SEC14L5: variants seen among roughly 807,000 people sequenced by gnomAD.
SEC14L5 encodes SEC14 like lipid binding 5, also known as SEC14-like protein 5.
A neutral mutation model predicts 84.6 loss-of-function variants in SEC14L5; 96 were observed. That is an observed-to-expected ratio of 1.13 (90% CI 0.96 to 1.34). The LOEUF is 1.34. Ranked by LOEUF, SEC14L5 falls within the 40% of genes most tolerant of loss-of-function variation. SEC14L5 has a pLI of 0.00. For missense variants in SEC14L5, 1,224 were observed against 942.5 expected, an observed-to-expected ratio of 1.30 and a Z score of -3.91; for synonymous variants, 546 against 383.4, an observed-to-expected ratio of 1.42 and a Z score of -4.95.
intron 4 of SEC14L5, among the ~76,000 whole-genome samples, chr16:4,989,315 TTTG>T (rs1408295593): frequency 7.3e-5 from 9 of 122,494 alleles, no homozygotes; most frequent in Admixed American, 1.0e-4. Context: ...TTTTTGTTTG[TTTG>T]TTTGTTTTGT....
chr16:4,962,151 G>T (rs1455777587), intron 2 of SEC14L5, among the ~76,000 whole-genome samples: 1 of 137,984 alleles, frequency 7.2e-6, no homozygotes, highest in Non-Finnish European at 1.5e-5. Context: ...GGGCAACAGA[G>T]CGAGACTCTG....
intron 12 of SEC14L5, among the ~76,000 whole-genome samples, chr16:5,006,413 A>C (rs976033969): frequency 6.6e-6 from 1 of 152,130 alleles, no homozygotes; most frequent in Non-Finnish European, 1.5e-5. Flanking sequence ...AGGGGAGGTG[A>C]CTCGAATGTA....
At chr16:4,981,640 T>G (rs1343852465) in intron 2 of SEC14L5, among the ~76,000 whole-genome samples, 3 of 152,132 alleles carry the variant, frequency 2.0e-5, no homozygotes, top group Non-Finnish European at 4.4e-5. Context: ...CAAGCCCAGC[T>G]GCTGAGCAAA....
intron 8 of SEC14L5, among the ~76,000 whole-genome samples, chr16:4,999,799 C>T (rs1177700192): frequency 6.6e-6 from 1 of 151,858 alleles, no homozygotes; most frequent in African/African-American, 2.4e-5. Flanking sequence ...CCGGTAGTCC[C>T]AGCTACCTGG....
chr16:4,999,143 G>A (rs1955648049), intron 8 of SEC14L5, among the ~76,000 whole-genome samples: 1 of 152,076 alleles, frequency 6.6e-6, no homozygotes, highest in South Asian at 2.1e-4. Context: ...ATGCCTCTTC[G>A]TGTAGTGCAG....
At position 5,000,905 on chromosome 16, in the gene SEC14L5, G is replaced by T. The variant is rs753361990; in HGVS notation, c.1110G>T (p.Arg370Ser). ...AGAAGCGGTGTGAGGGGAGCACAAGGCAGCTGGGCCGTCCCATCAGGCAAA... is the reference window on the plus strand; with the variant it reads ...AGAAGCGGTGTGAGGGGAGCACAAGTCAGCTGGGCCGTCCCATCAGGCAAA... ...EGQKRCEGST[R>S]QLGRPISSWT... Residue 370 changes from arginine (R) to serine (S), a missense_variant, in exon 10 of 16, where the codon AGG becomes AGT. Coordinates refer to ENST00000251170, the MANE Select transcript of SEC14L5 (RefSeq NM_014692.2). 27 of 1,608,008 alleles carry T rather than the reference G, an allele frequency of 1.7e-5. No individual in the cohort carries two copies. In the Admixed American group the frequency reaches 3.2e-4, roughly 19 times the overall value.
intron 4 of SEC14L5, 27 bp downstream of exon 4, chr16:4,988,307 A>ACTTG: frequency 6.2e-7 from 1 of 1,610,340 alleles, no homozygotes; most frequent in Non-Finnish European, 8.5e-7. Context: ...CTCAGCGCCC[A>ACTTG]CGCCCGGCAC....
intron 2 of SEC14L5, among the ~76,000 whole-genome samples, chr16:4,972,606 C>A (rs1260308190): frequency 6.6e-6 from 1 of 152,230 alleles, no homozygotes; most frequent in Admixed American, 6.5e-5. Context: ...TTGTCTCTGG[C>A]TCGTTTCACT....
chr16:4,996,293 G>A (rs1955607392), intron 6 of SEC14L5, 55 bp from the exon 7 acceptor site: 3 of 1,073,418 alleles, frequency 2.8e-6, no homozygotes, highest in South Asian at 2.8e-5. Flanking sequence ...CAGACCACAT[G>A]GTAAAGAGAC....
chr16:5,003,066 C>G (rs528754873), intron 10 of SEC14L5, among the ~76,000 whole-genome samples: 2 of 152,212 alleles, frequency 1.3e-5, no homozygotes, highest in African/African-American at 4.8e-5. Context: ...GTGTGCCCGT[C>G]CTTGCAGAGA....
chr16:4,968,775 G>T (rs1955236818), intron 2 of SEC14L5, among the ~76,000 whole-genome samples: 1 of 152,254 alleles, frequency 6.6e-6, no homozygotes. Flanking sequence ...CCTAAATAAG[G>T]AAGATGGCTT....
intron 5 of SEC14L5, 62 bp downstream of exon 5, chr16:4,990,957 G>T (rs1375325545): frequency 7.1e-7 from 1 of 1,403,750 alleles, no homozygotes; most frequent in Non-Finnish European, 9.5e-7. Context: ...GCCATCAACA[G>T]CTGCATGACC....
chr16:4,998,513 C>T (rs1194499522), intron 8 of SEC14L5, among the ~76,000 whole-genome samples: 7 of 149,242 alleles, frequency 4.7e-5, no homozygotes, highest in South Asian at 4.3e-4. Context: ...CCGAGGCGGG[C>T]GGATCACGAG....
chr16:4,964,663 C>T (rs916607271), intron 2 of SEC14L5, among the ~76,000 whole-genome samples: 6 of 152,052 alleles, frequency 3.9e-5, no homozygotes, highest in Admixed American at 6.6e-5. Context: ...TCTTCACTCC[C>T]GACCTCAGGT....
chr16:4,962,701 A>C (rs904104361), intron 2 of SEC14L5, among the ~76,000 whole-genome samples: 9 of 151,566 alleles, frequency 5.9e-5, no homozygotes, highest in Non-Finnish European at 1.2e-4. Context: ...AAAAAAAAAA[A>C]AAAAAAACTT....
intron 12 of SEC14L5, among the ~76,000 whole-genome samples, chr16:5,006,467 C>T (rs1955733285): frequency 6.6e-6 from 1 of 152,194 alleles, no homozygotes. Context: ...CTCCAACCCA[C>T]AGCCACACAG....
intron 2 of SEC14L5, among the ~76,000 whole-genome samples, chr16:4,981,952 T>A (rs1231613000): frequency 9.9e-5 from 15 of 152,164 alleles, no homozygotes; most frequent in Admixed American, 9.8e-4. Flanking sequence ...GTGGCTGAGA[T>A]CTACAGGGCA....
Position 5,015,565 on chromosome 16 carries a change from G to A in SEC14L5, c.*595G>A, listed in dbSNP as rs1955867173. On this transcript the variant is annotated 3_prime_UTR_variant, in exon 16 of 16. Coordinates refer to ENST00000251170, the MANE Select transcript of SEC14L5 (RefSeq NM_014692.2). ...ATCCAGGGTTGCAGTGAGGTGCAGT[G>A]ATTGGCCAGCCTGGATCACATGCAC... 1 of 153,108 alleles carries A rather than the reference G, an allele frequency of 6.5e-6. No individual in the cohort carries two copies. The allele number at this position is 153,108 out of a possible 1,614,324, so 9.5% of individuals were successfully genotyped here.
chr16:5,006,002 A>C lies in SEC14L5; in HGVS notation c.1391A>C (p.Tyr464Ser). 1.9e-6 allele frequency: 3 copies of C among 1,613,880 alleles called. No homozygotes were observed. Among genetic ancestry groups the C allele is most frequent in the Non-Finnish European group, 1.7e-6 (2 of 1,179,832 alleles). Reference protein sequence around the residue: ...NYQGPGGLVDYLDREVIPDFL... With the variant: ...NYQGPGGLVDSLDREVIPDFL... The stretch of plus-strand genomic sequence containing the variant: ...CAGGGACCCGGAGGCCTTGTGGACT[A>C]TCTGGATAGAGAAGTGATCCCTGAC... The change falls in exon 12 of 16, where the codon TAT (tyrosine) becomes TCT (serine). Residue 464 changes from tyrosine to serine, a missense_variant. By Grantham distance (144) the Tyr-to-Ser change is moderately radical. Coordinates refer to ENST00000251170, the MANE Select transcript of SEC14L5 (RefSeq NM_014692.2).
Sources: allele counts gnomAD v4.1 joint callset (sites outside exome capture counted in the v4.1 genomes callset), GRCh38; gene constraint gnomAD v4.1.1; transcripts MANE v1.5; gene names NCBI Gene and HGNC (gene_info 2026-07-23, HGNC 2026-07-21).